Variants in LRRK2 observed in about 807,000 individuals in gnomAD.
The protein encoded by LRRK2 is leucine rich repeat kinase 2, also known as leucine-rich repeat serine/threonine-protein kinase 2.
Under a neutral mutation model 302.6 loss-of-function variants are expected in LRRK2, and 203 were observed. The observed-to-expected ratio is 0.67, with a 90% confidence interval of 0.60 to 0.75. LRRK2 has a LOEUF of 0.75. Among genes scored for constraint, LRRK2 ranks in the 30% least tolerant of loss-of-function variants. The pLI is 0.00. For synonymous variants in LRRK2, 1,066 were observed against 1,031.9 expected (o/e 1.03, Z -0.63); for missense variants, 2,830 against 2,951.0 (o/e 0.96, Z 0.95).
chr12:40,339,062 A>T (rs1339325304), intron 40 of LRRK2, among the ~76,000 whole-genome samples: 1 of 152,196 alleles, frequency 6.6e-6, no homozygotes, highest in Non-Finnish European at 1.5e-5. Context: ...CAGCTGTATT[A>T]GTTGATGCAG....
At position 40,298,331 on chromosome 12, in the gene LRRK2, A is replaced by T; in HGVS notation, c.3185A>T (p.Asn1062Ile). 1 of 1,613,932 alleles carries T rather than the reference A, an allele frequency of 6.2e-7. No homozygotes were observed. The highest frequency in any genetic ancestry group is 2.2e-5 in the East Asian group (1 of 44,852). ...TTGTTGAAAATGAGTTGTATTGCTA[A>T]TCTTGATGTCTCTCGAAATGACATT... ...SYLLKMSCIA[N>I]LDVSRNDIGP... Residue 1062 changes from asparagine (N) to isoleucine (I), a missense_variant, in exon 24 of 51, where the codon AAT becomes ATT. By Grantham distance (149) the Asn-to-Ile change is moderately radical. Around this residue, in one of 3 missense-constraint regions of LRRK2, gnomAD observed 2,121 missense variants for 2,148.0 expected, o/e 0.99. Coordinates refer to ENST00000298910, the MANE Select transcript of LRRK2 (RefSeq NM_198578.4).
Position 40,293,565 on chromosome 12 carries a change from G to T in LRRK2, c.2710G>T (p.Val904Leu). Reference sequence around the variant, plus strand: ...AATAGGAAGTGAAGGCTCATTTCTTGTGAAAAAGAAATCTAATTCAATTAG... The same window carrying T: ...AATAGGAAGTGAAGGCTCATTTCTTTTGAAAAAGAAATCTAATTCAATTAG... ...DSEGSEGSFL[V>L]KKKSNSISVG... The change falls in exon 21 of 51, where the codon GTG becomes TTG. Residue 904 changes from valine to leucine, a missense_variant. Transcript: ENST00000298910. 6.2e-7 allele frequency: 1 copy of T among 1,605,940 alleles called. No homozygotes were observed. The highest frequency in any genetic ancestry group is 8.5e-7 in the Non-Finnish European group (1 of 1,173,846).
At chr12:40,355,523 C>CCCTCCCTCCCTG (rs1946503631) in intron 45 of LRRK2, among the ~76,000 whole-genome samples, 1 of 45,608 alleles carries the variant, frequency 2.2e-5, no homozygotes, top group Non-Finnish European at 6.3e-5. Flanking sequence ...CTCCCTCCCT[C>CCCTCCCTCCCTG]CCTCCCTTCC....
intron 2 of LRRK2, among the ~76,000 whole-genome samples, chr12:40,229,679 A>G (rs938179650): frequency 3.9e-5 from 6 of 152,232 alleles, no homozygotes; most frequent in African/African-American, 1.2e-4. Context: ...AAGTAAAACT[A>G]CCAATTTAAT....
intron 43 of LRRK2, among the ~76,000 whole-genome samples, chr12:40,349,951 A>G (rs1175561806): frequency 6.6e-6 from 1 of 152,226 alleles, no homozygotes; most frequent in African/African-American, 2.4e-5. Flanking sequence ...AATGCAGTTC[A>G]TGGCTTGAGA....
intron 39 of LRRK2, 55 bp from the exon 40 acceptor site, chr12:40,334,912 T>C: frequency 1.3e-6 from 2 of 1,581,616 alleles, no homozygotes; most frequent in South Asian, 1.1e-5. Context: ...AAGAAGGAGA[T>C]ACGTGGGTAA....
At chr12:40,257,553 A>C (rs1255529076) in intron 12 of LRRK2, among the ~76,000 whole-genome samples, 176 bp downstream of exon 12, 1 of 152,186 alleles carries the variant, frequency 6.6e-6, no homozygotes, top group Non-Finnish European at 1.5e-5. Context: ...CTTTATCTGA[A>C]CACTGAAAGG....
rs965792891 is a variant in LRRK2, at chr12:40,254,584, G to C, written c.1288+1568G>C. On this transcript the variant is annotated intron_variant, in intron 11 of 50. Transcript: ENST00000298910. ...TGTGGCTTCTGTTGGGGCACCTTTA[G>C]AGTGGAGGTAGACTTTTACTATGTA... Among the ~76,000 whole-genome samples the C allele has an allele frequency of 7.2e-5, 11 of 152,314 alleles. No individual in the cohort carries two copies. In the South Asian group the frequency reaches 2.1e-3, roughly 29 times the overall value.
At chr12:40,293,761 AT>A in intron 21 of LRRK2, 98 bp downstream of exon 21, 1 of 793,920 alleles carries the variant, frequency 1.3e-6, no homozygotes, top group Non-Finnish European at 2.2e-6. Flanking sequence ...ATTGGTAGGG[AT>A]TTCCCTGATG....
At chr12:40,340,517 T>A (rs1946007694) in intron 41 of LRRK2, 63 bp downstream of exon 41, 1 of 1,559,662 alleles carries the variant, frequency 6.4e-7, no homozygotes, top group Admixed American at 1.7e-5. Context: ...ACCTCAGATG[T>A]GAGTTCAGAA....
At chr12:40,360,114 A>G (rs1208919556) in intron 47 of LRRK2, among the ~76,000 whole-genome samples, 1 of 152,130 alleles carries the variant, frequency 6.6e-6, no homozygotes, top group Non-Finnish European at 1.5e-5. Flanking sequence ...TTTGCCATCT[A>G]TTGGTTTTGT....
rs1360509010 is a variant in LRRK2, at chr12:40,323,319, G to T, written c.5656+13G>T. ...GAGTTTCTCCTAGGTAATTCTTTTT[G>T]TTAATTTGAGAATAAAAATTAGGAT... On this transcript the variant is annotated intron_variant, in intron 38 of 50. Transcript: ENST00000298910. 6.3e-7 allele frequency: 1 copy of T among 1,599,414 alleles called. No homozygotes were observed. The highest frequency in any genetic ancestry group is 1.1e-5 in the South Asian group (1 of 88,518).
chr12:40,295,442 A>G lies in LRRK2; in HGVS notation c.2894A>G (p.Gln965Arg), dbSNP rs1413297445. The G allele has an allele frequency of 6.2e-7, 1 of 1,613,002 alleles. No homozygotes were observed. The highest frequency in any genetic ancestry group is 8.5e-7 in the Non-Finnish European group (1 of 1,179,926). ...TTGACAAAAGGGTCATCAAAACTTC[A>G]ATCCCATATGAGGCATTCAGACAGC... ...SDDSLRSSKLQSHMRHSDSIS... is the reference protein window; with the variant it reads ...SDDSLRSSKLRSHMRHSDSIS... The change falls in exon 23 of 51, where the codon CAA becomes CGA. Residue 965 changes from glutamine to arginine, a missense_variant. By Grantham distance (43) the Gln-to-Arg change is conservative. Around this residue, in one of 3 missense-constraint regions of LRRK2, gnomAD observed 2,121 missense variants for 2,148.0 expected, o/e 0.99. Coordinates refer to ENST00000298910, the MANE Select transcript of LRRK2 (RefSeq NM_198578.4).
intron 18 of LRRK2, among the ~76,000 whole-genome samples, chr12:40,282,219 A>C (rs1592217838): frequency 1.5e-5 from 2 of 134,382 alleles, no homozygotes; most frequent in Admixed American, 8.2e-5. Context: ...TTCCTCTTCC[A>C]CCTGCCTTCC....
intron 23 of LRRK2, among the ~76,000 whole-genome samples, chr12:40,296,905 T>C (rs1221100145): frequency 1.3e-5 from 2 of 152,146 alleles, no homozygotes; most frequent in Non-Finnish European, 2.9e-5. Flanking sequence ...TCAATTTAAC[T>C]GTCACTTCAT....
At chr12:40,242,232 T>G (rs1337070754) in intron 6 of LRRK2, among the ~76,000 whole-genome samples, 5 of 152,050 alleles carry the variant, frequency 3.3e-5, no homozygotes, top group African/African-American at 4.8e-5. Flanking sequence ...ACGTTGTTAA[T>G]TTTTTTTCTA....
intron 45 of LRRK2, among the ~76,000 whole-genome samples, chr12:40,355,543 T>TCCTTC (rs552326490): frequency 0.25 from 21,821 of 87,870 alleles, 2,925 homozygotes; most frequent in East Asian, 0.35. Flanking sequence ...CTTCCTTCCT[T>TCCTTC]CTTCTTTTTT....
chr12:40,240,388 A>C, intron 5 of LRRK2, 95 bp from the exon 6 acceptor site: 1 of 1,123,210 alleles, frequency 8.9e-7, no homozygotes, highest in Non-Finnish European at 1.3e-6. Context: ...CACTTGATGT[A>C]TCTCACACAA....
chr12:40,251,468 G>GC lies in LRRK2; in HGVS notation c.1107dup (p.Ala370ArgfsTer7). On this transcript the variant is annotated frameshift_variant, in exon 10 of 51. Transcript: ENST00000298910. LOFTEE classifies it high-confidence loss of function. ...TCTTTTTTCTCCCCTAATCCAGGAGGCCGCATGCTGGGCACTAAATAATCT... is the reference window on the plus strand; with the variant it reads ...TCTTTTTTCTCCCCTAATCCAGGAGGCCCGCATGCTGGGCACTAAATAATCT... 6.2e-7 allele frequency: 1 copy of GC among 1,611,706 alleles called. No homozygotes were observed. Among genetic ancestry groups the GC allele is most frequent in the South Asian group, 1.1e-5 (1 of 90,826 alleles).
Sources: gnomAD v4.1 joint callset for allele counts (sites outside exome capture counted in the v4.1 genomes callset) on GRCh38, gnomAD v4.1.1 for gene constraint, gnomAD v4.1.1 regional missense constraint, MANE v1.5 for transcripts, NCBI Gene and HGNC (gene_info 2026-07-23, HGNC 2026-07-21) for gene names.